PTPRG: variants seen among roughly 807,000 people sequenced by gnomAD.
PTPRG encodes the protein protein tyrosine phosphatase receptor type G.
A neutral mutation model predicts 165.3 loss-of-function variants in PTPRG; 102 were observed. That is an observed-to-expected ratio of 0.62 (90% CI 0.53 to 0.73). PTPRG has a LOEUF of 0.73. Ranked by LOEUF, PTPRG falls within the 30% of genes least tolerant of loss-of-function variation. The probability of loss-of-function intolerance (pLI) is 0.00; values close to 1 mark genes in which losing one functional copy is unlikely to be tolerated. For missense variants in PTPRG, 1,866 were observed against 1,861.4 expected, an observed-to-expected ratio of 1.00 and a Z score of -0.05; for synonymous variants, 675 against 669.5, an observed-to-expected ratio of 1.01 and a Z score of -0.13.
At position 62,237,829 on chromosome 3, in the gene PTPRG, A is replaced by C. The variant is rs115955606; in HGVS notation, c.2376-5978A>C. ...TGAGACCCAGAAAACTGCTAACCAG[A>C]TGCCATACAGATTTGATCAGCTACT... On this transcript the variant is annotated intron_variant, in intron 14 of 29. Coordinates refer to ENST00000474889, the MANE Select transcript of PTPRG (RefSeq NM_002841.4). This position sits in a 1 kb window ranked among gnomAD's most constrained non-coding sequence, Gnocchi z 4.5. Among the ~76,000 whole-genome samples the C allele has an allele frequency of 5.2e-3, 789 of 152,306 alleles. 6 individuals carry two copies. Among genetic ancestry groups the C allele is most frequent in the African/African-American group, 0.018 (751 of 41,578 alleles).
intron 5 of PTPRG, among the ~76,000 whole-genome samples, chr3:62,083,154 A>G (rs1701635621): frequency 6.6e-6 from 1 of 152,164 alleles, no homozygotes; most frequent in Non-Finnish European, 1.5e-5. Context: ...TTAAAGTAAA[A>G]CTTCTGTTCT....
chr3:61,908,121 TAAAAAAAAAAAAAAA>T (rs1183592777), intron 2 of PTPRG, among the ~76,000 whole-genome samples: 2 of 67,152 alleles, frequency 3.0e-5, no homozygotes, highest in Admixed American at 4.5e-4. Context: ...CACCTCTCTT[TAAAAAAAAAAAAAAA>T]AAAAAAAAAA....
chr3:61,763,338 A>C (rs933348041), intron 2 of PTPRG, among the ~76,000 whole-genome samples: 2 of 151,946 alleles, frequency 1.3e-5, no homozygotes, highest in African/African-American at 4.8e-5. Flanking sequence ...CCTGGGTTCA[A>C]GTGTCTCTCC....
chr3:61,771,421 C>T (rs2107025271), intron 2 of PTPRG: 1 of 151,752 alleles, frequency 6.6e-6, no homozygotes, highest in African/African-American at 2.4e-5. Context: ...AAAAGGCATA[C>T]TAATTTTATA....
chr3:62,226,085 A>C (rs1304560061), intron 13 of PTPRG, among the ~76,000 whole-genome samples: 1 of 152,224 alleles, frequency 6.6e-6, no homozygotes, highest in Non-Finnish European at 1.5e-5. Flanking sequence ...CAGAAAACAG[A>C]GGCTTAGTAA....
chr3:62,024,568 C>T (rs1287230244), intron 4 of PTPRG, among the ~76,000 whole-genome samples: 1 of 152,156 alleles, frequency 6.6e-6, no homozygotes, highest in Non-Finnish European at 1.5e-5. Flanking sequence ...TAAGTCAAGT[C>T]AGAGTTGATA....
rs192112375 is a variant in PTPRG at position 62,135,326 on chromosome 3, T to C, written c.682+2658T>C. On this transcript the variant is annotated intron_variant, in intron 6 of 29. Coordinates refer to ENST00000474889, the MANE Select transcript of PTPRG (RefSeq NM_002841.4). ...AAAGCTTTTGTTGGAACTAGAAGCA[T>C]TTCAGTTGAAAGTCCTGTGAGGGAT... Among the ~76,000 whole-genome samples the C allele has an allele frequency of 2.3e-4, 35 of 151,938 alleles. No individual in the cohort carries two copies. In the East Asian group the frequency reaches 5.6e-3, roughly 24 times the overall value.
intron 2 of PTPRG, among the ~76,000 whole-genome samples, chr3:61,802,024 CAA>C (rs112361163): frequency 2.2e-4 from 25 of 112,792 alleles, no homozygotes; most frequent in Admixed American, 5.9e-4. Context: ...GACTCCATCT[CAA>C]AAAAAAAAAA....
At chr3:61,649,774 G>C (rs1702299616) in intron 1 of PTPRG, among the ~76,000 whole-genome samples, 1 of 152,208 alleles carries the variant, frequency 6.6e-6, no homozygotes, top group Non-Finnish European at 1.5e-5. Flanking sequence ...TTGTCGTATA[G>C]ATGCACAGAC....
chr3:61,647,028 T>C lies in PTPRG; in HGVS notation c.85+84656T>C, dbSNP rs542126319. ...ATCTGTTGAAGAACATCTGGGCTTT[T>C]CCTAGTTTGGGGCTATTACAAATAA... On this transcript the variant is annotated intron_variant, in intron 1 of 29. Transcript: ENST00000474889. 3.6e-3 allele frequency among the ~76,000 whole-genome samples: 543 copies of C among 152,324 alleles called. 5 individuals carry two copies. The highest frequency in any genetic ancestry group is 0.013 in the African/African-American group (527 of 41,570).
intron 3 of PTPRG, among the ~76,000 whole-genome samples, chr3:62,000,786 TCCAGGAGCTCCA>T (rs2041155547): frequency 6.6e-6 from 1 of 152,218 alleles, no homozygotes; most frequent in Admixed American, 6.5e-5. Context: ...TTCCGTGCTG[TCCAGGAGCTCCA>T]CCCTTGATTC....
At chr3:61,740,540 AT>A (rs888339939) in intron 1 of PTPRG, among the ~76,000 whole-genome samples, 28 of 151,406 alleles carry the variant, frequency 1.8e-4, no homozygotes, top group Middle Eastern at 3.4e-3. Context: ...GCCCTTATTT[AT>A]TTTTTTTTAA....
chr3:61,919,211 C>T (rs1020814374), intron 2 of PTPRG, among the ~76,000 whole-genome samples: 6 of 152,108 alleles, frequency 3.9e-5, no homozygotes, highest in Admixed American at 2.6e-4. Context: ...CATCAGATAC[C>T]GGCTCATCTC....
At chr3:61,588,796 A>G (rs1288610178) in intron 1 of PTPRG, among the ~76,000 whole-genome samples, 1 of 152,238 alleles carries the variant, frequency 6.6e-6, no homozygotes, top group Non-Finnish European at 1.5e-5. Flanking sequence ...AAAAATATAT[A>G]CACACACATA....
At chr3:61,948,115 G>A (rs779395964) in intron 2 of PTPRG, among the ~76,000 whole-genome samples, 6 of 151,910 alleles carry the variant, frequency 3.9e-5, no homozygotes, top group Admixed American at 2.6e-4. Context: ...ACCTGAGGTC[G>A]GGAGTTCAAG....
chr3:61,789,660 T>G (rs2034813921), intron 2 of PTPRG, among the ~76,000 whole-genome samples: 1 of 152,216 alleles, frequency 6.6e-6, no homozygotes, highest in South Asian at 2.1e-4. Context: ...ACCTGATATA[T>G]CTAAAGATCA....
At chr3:61,849,444 A>G (rs370709257) in intron 2 of PTPRG, among the ~76,000 whole-genome samples, 27 of 152,292 alleles carry the variant, frequency 1.8e-4, no homozygotes, top group African/African-American at 6.5e-4. Flanking sequence ...GTGCTATAGG[A>G]TTCAACGTAT....
intron 5 of PTPRG, chr3:62,124,217 G>T: frequency 1.0e-6 from 1 of 1,000,030 alleles, no homozygotes. Context: ...GCCACACAGT[G>T]CTTTCCTGTC....
At chr3:61,923,580 C>T (rs905733634) in intron 2 of PTPRG, among the ~76,000 whole-genome samples, 7 of 144,276 alleles carry the variant, frequency 4.9e-5, no homozygotes, top group Non-Finnish European at 7.6e-5. Flanking sequence ...CAACAGCCCC[C>T]GGTGTGTGAT....
Sources: gnomAD v4.1 joint callset for allele counts (sites outside exome capture counted in the v4.1 genomes callset) on GRCh38, gnomAD v4.1.1 for gene constraint, Gnocchi (gnomAD v3.1) non-coding constraint, MANE v1.5 for transcripts, NCBI Gene and HGNC (gene_info 2026-07-23, HGNC 2026-07-21) for gene names.